The following GPR39 variants were observed in gnomAD, a reference collection of about 807,000 sequenced individuals.
GPR39 encodes the protein zinc sensing receptor.
Under a neutral mutation model 18.4 loss-of-function variants are expected in GPR39, and 23 were observed. The ratio of observed to expected loss-of-function variants is 1.25; its 90% CI spans 0.90 to 1.77. GPR39 has a LOEUF of 1.77. GPR39 is among the 40% of genes most tolerant of loss of function. The pLI is 0.00. For synonymous variants in GPR39, 280 were observed against 257.9 expected, an observed-to-expected ratio of 1.09 and a Z score of -0.82; for missense variants, 647 against 602.4, an observed-to-expected ratio of 1.07 and a Z score of -0.78.
intron 1 of GPR39, among the ~76,000 whole-genome samples, chr2:132,492,908 CACCATAT>C (rs1052761525): frequency 2.2e-5 from 3 of 135,994 alleles, no homozygotes; most frequent in African/African-American, 8.6e-5. Context: ...CATATATATA[CACCATAT>C]ACCATATATA....
At chr2:132,629,961 C>T (rs768189854) in intron 1 of GPR39, among the ~76,000 whole-genome samples, 4 of 152,140 alleles carry the variant, frequency 2.6e-5, no homozygotes, top group Non-Finnish European at 2.9e-5. Context: ...ATTGGTTCAA[C>T]GATAGTGCGT....
chr2:132,560,318 A>T lies in GPR39; in HGVS notation c.857-84783A>T, dbSNP rs371806563. On this transcript the variant is annotated intron_variant, in intron 1 of 1. Transcript: ENST00000329321. ...TGCCTTTCCCACCTCTTTTTCCTCAACCATAAACCTGTTTGGCACCCTCCT... is the reference window on the plus strand; with the variant it reads ...TGCCTTTCCCACCTCTTTTTCCTCATCCATAAACCTGTTTGGCACCCTCCT... Among the ~76,000 whole-genome samples the T allele has an allele frequency of 1.4e-3, 206 of 151,880 alleles. No individual in the cohort carries two copies. In the South Asian group the frequency reaches 0.016, roughly 12 times the overall value.
chr2:132,511,462 A>G (rs1679240540), intron 1 of GPR39, among the ~76,000 whole-genome samples: 1 of 152,204 alleles, frequency 6.6e-6, no homozygotes, highest in Admixed American at 6.5e-5. Flanking sequence ...TCAGTTCTGT[A>G]TGATATTCTA....
chr2:132,613,969 C>T lies in GPR39; in HGVS notation c.857-31132C>T, dbSNP rs1258415621. Among the ~76,000 whole-genome samples, 5 of 152,150 alleles carry T rather than the reference C, an allele frequency of 3.3e-5. No individual in the cohort carries two copies. The East Asian group carries it at 9.6e-4, about 29-fold the overall frequency. Reference sequence around the variant, plus strand: ...ATGAATGAATTGGTGGATGAGTGCTCCTTGTTATAAGAAACTGAGGTCCAT... The same window carrying T: ...ATGAATGAATTGGTGGATGAGTGCTTCTTGTTATAAGAAACTGAGGTCCAT... On this transcript the variant is annotated intron_variant, in intron 1 of 1. Coordinates refer to ENST00000329321, the MANE Select transcript of GPR39 (RefSeq NM_001508.3).
At chr2:132,630,391 A>T (rs1228754301) in intron 1 of GPR39, among the ~76,000 whole-genome samples, 2 of 152,180 alleles carry the variant, frequency 1.3e-5, no homozygotes, top group Non-Finnish European at 2.9e-5. Flanking sequence ...CTGAGGCAGG[A>T]GTGAGTTGGC....
At chr2:132,470,488 C>G (rs954940672) in intron 1 of GPR39, among the ~76,000 whole-genome samples, 1 of 151,940 alleles carries the variant, frequency 6.6e-6, no homozygotes, top group East Asian at 1.9e-4. Context: ...ACAAAATGAA[C>G]GGGGCAAGTA....
At chr2:132,464,722 G>T (rs1224647044) in intron 1 of GPR39, among the ~76,000 whole-genome samples, 1 of 152,044 alleles carries the variant, frequency 6.6e-6, no homozygotes, top group Non-Finnish European at 1.5e-5. Flanking sequence ...CCTATGACCC[G>T]GCAGTATATC....
intron 1 of GPR39, among the ~76,000 whole-genome samples, chr2:132,491,486 A>G (rs556006432): frequency 6.6e-6 from 1 of 152,166 alleles, no homozygotes; most frequent in African/African-American, 2.4e-5. Context: ...TGTTAGCACA[A>G]TTCCTGGGAT....
intron 1 of GPR39, among the ~76,000 whole-genome samples, chr2:132,532,975 A>C (rs574038983): frequency 6.6e-6 from 1 of 152,104 alleles, no homozygotes; most frequent in Non-Finnish European, 1.5e-5. Flanking sequence ...TATTCAACGT[A>C]GTGTTGGAAG....
rs544034639 is a variant in GPR39 at position 132,426,840 on chromosome 2, A to G, written c.856+8942A>G. Among the ~76,000 whole-genome samples, 14 of 152,228 alleles carry G rather than the reference A, an allele frequency of 9.2e-5. No homozygotes were observed. The East Asian group carries it at 2.7e-3, about 30-fold the overall frequency. ...CAGACAGATCGGGAGGCAAGGCTGC[A>G]GCATCAAAGTTGCCATTGTACTTGT... is the stretch of plus-strand genomic sequence containing the variant. On this transcript the variant is annotated intron_variant, in intron 1 of 1. Transcript: ENST00000329321.
chr2:132,531,542 A>G (rs1250252623), intron 1 of GPR39, among the ~76,000 whole-genome samples: 1 of 152,244 alleles, frequency 6.6e-6, no homozygotes, highest in Non-Finnish European at 1.5e-5. Context: ...CCAAATCAAC[A>G]GAATCTACAT....
chr2:132,453,813 G>A (rs1680671389), intron 1 of GPR39, among the ~76,000 whole-genome samples: 1 of 152,068 alleles, frequency 6.6e-6, no homozygotes, highest in African/African-American at 2.4e-5. Flanking sequence ...TTATTTCTGA[G>A]GCCTCTCTTC....
intron 1 of GPR39, among the ~76,000 whole-genome samples, chr2:132,556,759 C>T (rs773292956): frequency 5.9e-5 from 9 of 152,128 alleles, no homozygotes; most frequent in African/African-American, 1.7e-4. Flanking sequence ...TTCTACTGAC[C>T]GCTCCAGGCC....
At chr2:132,450,516 A>T (rs935409758) in intron 1 of GPR39, among the ~76,000 whole-genome samples, 1 of 152,252 alleles carries the variant, frequency 6.6e-6, no homozygotes, top group Admixed American at 6.5e-5. Context: ...GTAAAAGTTC[A>T]TCAGGAAAGC....
At chr2:132,560,329 G>C (rs1051345115) in intron 1 of GPR39, among the ~76,000 whole-genome samples, 1 of 152,000 alleles carries the variant, frequency 6.6e-6, no homozygotes, top group African/African-American at 2.4e-5. Context: ...CCATAAACCT[G>C]TTTGGCACCC....
At chr2:132,534,846 G>T (rs1255162653) in intron 1 of GPR39, among the ~76,000 whole-genome samples, 1 of 152,010 alleles carries the variant, frequency 6.6e-6, no homozygotes, top group Non-Finnish European at 1.5e-5. Flanking sequence ...TTGTGGGGTT[G>T]GGGGAGGAGG....
At chr2:132,431,968 G>C (rs957323356) in intron 1 of GPR39, among the ~76,000 whole-genome samples, 2 of 152,172 alleles carry the variant, frequency 1.3e-5, no homozygotes, top group Non-Finnish European at 2.9e-5. Flanking sequence ...CTTTAGGAGA[G>C]AATTCACTCT....
At chr2:132,443,563 G>A (rs974845096) in intron 1 of GPR39, among the ~76,000 whole-genome samples, 3 of 152,180 alleles carry the variant, frequency 2.0e-5, no homozygotes, top group African/African-American at 4.8e-5. Context: ...GGTAAGCTAG[G>A]CTGAGCTATG....
At chr2:132,644,931 T>C in intron 1 of GPR39, 170 bp from the exon 2 acceptor site, 1 of 702,746 alleles carries the variant, frequency 1.4e-6, no homozygotes, top group East Asian at 2.7e-5. Context: ...AATTCTCTCT[T>C]GCTTGTGGCA....
Sources: allele counts gnomAD v4.1 joint callset (sites outside exome capture counted in the v4.1 genomes callset), GRCh38; gene constraint gnomAD v4.1.1; transcripts MANE v1.5; gene names NCBI Gene and HGNC (gene_info 2026-07-23, HGNC 2026-07-21).